Variants in COG5 observed in about 807,000 individuals in gnomAD.
The protein encoded by COG5 is conserved oligomeric Golgi complex subunit 5.
In COG5, 86 loss-of-function variants were observed where a neutral mutation model predicts 110.4. The observed-to-expected ratio is 0.78, with a 90% CI of 0.65 to 0.93. The LOEUF (loss-of-function observed/expected upper bound fraction) is 0.93. Ranked by LOEUF, COG5 falls within the 40% of genes least tolerant of loss-of-function variation. The pLI is 0.00. For synonymous variants in COG5, 360 were observed against 334.6 expected, an observed-to-expected ratio of 1.08 and a Z score of -0.83; for missense variants, 1,077 against 987.0, an observed-to-expected ratio of 1.09 and a Z score of -1.22.
chr7:107,461,677 A>G (rs1248523307), intron 6 of COG5, among the ~76,000 whole-genome samples: 2 of 151,692 alleles, frequency 1.3e-5, no homozygotes, highest in Non-Finnish European at 2.9e-5. Flanking sequence ...GGAATCAAGA[A>G]AAGAATAAAT....
At chr7:107,453,105 A>C (rs1292818786) in intron 6 of COG5, among the ~76,000 whole-genome samples, 1 of 152,230 alleles carries the variant, frequency 6.6e-6, no homozygotes, top group Non-Finnish European at 1.5e-5. Context: ...TTGGACACAC[A>C]GAATGTAATG....
At chr7:107,515,142 C>T (rs892165945) in intron 6 of COG5, among the ~76,000 whole-genome samples, 3 of 152,068 alleles carry the variant, frequency 2.0e-5, no homozygotes, top group African/African-American at 7.2e-5. Context: ...AGTATTCATT[C>T]ATGAAGGTAT....
chr7:107,338,417 A>G (rs1810893190), intron 10 of COG5, among the ~76,000 whole-genome samples: 2 of 152,154 alleles, frequency 1.3e-5, no homozygotes, highest in African/African-American at 4.8e-5. Context: ...TCTTCAATAA[A>G]TGCTACTGGG....
intron 6 of COG5, among the ~76,000 whole-genome samples, chr7:107,495,795 A>C (rs1047038253): frequency 3.9e-5 from 6 of 152,196 alleles, no homozygotes; most frequent in Non-Finnish European, 4.4e-5. Flanking sequence ...AAAGTGCACA[A>C]ACAAAATAAA....
intron 11 of COG5, among the ~76,000 whole-genome samples, chr7:107,322,582 A>C (rs1259155419): frequency 6.6e-6 from 1 of 152,170 alleles, no homozygotes; most frequent in African/African-American, 2.4e-5. Flanking sequence ...AATATCATGG[A>C]TTGGCAAAAA....
intron 6 of COG5, among the ~76,000 whole-genome samples, chr7:107,468,408 T>A (rs1447072519): frequency 2.7e-5 from 4 of 150,230 alleles, no homozygotes; most frequent in African/African-American, 9.7e-5. Flanking sequence ...CTTAAATGAA[T>A]GTGTGTGCTG....
At chr7:107,441,117 T>C (rs937710334) in intron 6 of COG5, among the ~76,000 whole-genome samples, 8 of 151,656 alleles carry the variant, frequency 5.3e-5, no homozygotes, top group Non-Finnish European at 1.0e-4. Context: ...TAGCCGGGCA[T>C]GGTGGCGGGA....
chr7:107,498,281 C>T (rs193293262), intron 6 of COG5, among the ~76,000 whole-genome samples: 3 of 152,118 alleles, frequency 2.0e-5, no homozygotes, highest in South Asian at 2.1e-4. Flanking sequence ...CAGACAAGTG[C>T]GACTACATGA....
chr7:107,511,626 C>T lies in COG5; in HGVS notation c.538+15611G>A, dbSNP rs150735896. On this transcript the variant is annotated intron_variant, in intron 6 of 21. Coordinates refer to ENST00000297135, the MANE Select transcript of COG5 (RefSeq NM_006348.5). ...GTTTTAGACCAATATCCTTGATGAA[C>T]GCTGATGCAAAAATCCTCAATACAA... 1.1e-4 allele frequency among the ~76,000 whole-genome samples: 17 copies of T among 152,280 alleles called. No individual in the cohort carries two copies. The East Asian group carries it at 3.1e-3, about 28-fold the overall frequency.
rs1437639635 is a variant in COG5, at chr7:107,201,571, T to C, written c.*1945A>G. 2.1e-6 allele frequency: 1 copy of C among 477,158 alleles called. No individual in the cohort carries two copies. Among genetic ancestry groups the C allele is most frequent in the Non-Finnish European group, 3.9e-6 (1 of 258,818 alleles). The allele number at this position is 477,158 out of a possible 1,614,324, so 29.6% of individuals were successfully genotyped here. A position where few individuals can be genotyped will look rare whatever the true frequency, so the allele number is the denominator to read the frequency against. On this transcript the variant is annotated 3_prime_UTR_variant, in exon 22 of 22. Coordinates refer to ENST00000297135, the MANE Select transcript of COG5 (RefSeq NM_006348.5). ...CTGATAGCATTGAGTCTTGAAATGA[T>C]TTAATAATATGAGTGAGGATTTGCT...
intron 6 of COG5, among the ~76,000 whole-genome samples, chr7:107,492,203 G>GTGTGTGTGTGTA (rs1012856940): frequency 1.3e-5 from 2 of 150,924 alleles, no homozygotes; most frequent in African/African-American, 4.9e-5. Context: ...GTGTGTGTGT[G>GTGTGTGTGTGTA]TAGTTTATTT....
At chr7:107,394,401 A>C (rs1210216849) in intron 7 of COG5, among the ~76,000 whole-genome samples, 1 of 151,994 alleles carries the variant, frequency 6.6e-6, no homozygotes, top group African/African-American at 2.4e-5. Context: ...AATAATTATG[A>C]TGTGATTTTT....
intron 6 of COG5, among the ~76,000 whole-genome samples, chr7:107,447,535 G>A (rs1795079430): frequency 6.6e-6 from 1 of 152,188 alleles, no homozygotes; most frequent in Non-Finnish European, 1.5e-5. Context: ...CCAGGATACA[G>A]TTATATATAA....
intron 7 of COG5, among the ~76,000 whole-genome samples, chr7:107,379,310 C>A (rs1009748829): frequency 6.6e-6 from 1 of 152,168 alleles, no homozygotes; most frequent in Non-Finnish European, 1.5e-5. Flanking sequence ...CCAGCTACTG[C>A]AAAAACATAC....
At chr7:107,476,927 G>C (rs1797031939) in intron 6 of COG5, among the ~76,000 whole-genome samples, 1 of 151,464 alleles carries the variant, frequency 6.6e-6, no homozygotes, top group Non-Finnish European at 1.5e-5. Context: ...AACTCACTAA[G>C]GTTACATGAC....
chr7:107,279,519 T>C (rs560703019), intron 14 of COG5, among the ~76,000 whole-genome samples: 1 of 152,208 alleles, frequency 6.6e-6, no homozygotes, highest in South Asian at 2.1e-4. Flanking sequence ...TCTAAAAAAA[T>C]AGGAATATTT....
chr7:107,470,259 G>A (rs1796556904), intron 6 of COG5: 1 of 152,186 alleles, frequency 6.6e-6, no homozygotes, highest in South Asian at 2.1e-4. Flanking sequence ...AGCACTACAT[G>A]TTCCATACAT....
In COG5 at chr7:107,242,800, C is replaced by A. The variant is rs532474591; in HGVS notation, c.1853+5596G>T. 7.9e-5 allele frequency among the ~76,000 whole-genome samples: 12 copies of A among 152,280 alleles called. No individual in the cohort carries two copies. The East Asian group carries it at 1.2e-3, about 15-fold the overall frequency. ...TAGGCCCACAGCTTAGACCCTCCCC[C>A]ACTGGGCTGACTGCAGTGAGTGAGT... is the stretch of plus-strand genomic sequence containing the variant. On this transcript the variant is annotated intron_variant, in intron 17 of 21. Coordinates refer to ENST00000297135, the MANE Select transcript of COG5 (RefSeq NM_006348.5).
chr7:107,508,752 T>C (rs1198670512), intron 6 of COG5, among the ~76,000 whole-genome samples: 2 of 152,130 alleles, frequency 1.3e-5, no homozygotes, highest in Non-Finnish European at 2.9e-5. Flanking sequence ...CCACCGCTGT[T>C]CTGCAGCCAC....
Sources: gnomAD v4.1 joint callset for allele counts (sites outside exome capture counted in the v4.1 genomes callset) on GRCh38, gnomAD v4.1.1 for gene constraint, MANE v1.5 for transcripts, NCBI Gene and HGNC (gene_info 2026-07-23, HGNC 2026-07-21) for gene names.